Variants in DDHD1 observed in about 807,000 individuals in gnomAD.
The protein encoded by DDHD1 is phospholipase DDHD1.
A neutral mutation model predicts 96.4 loss-of-function variants in DDHD1; 49 were observed. The observed-to-expected ratio is 0.51, with a 90% CI of 0.40 to 0.64. The LOEUF (loss-of-function observed/expected upper bound fraction) is 0.64. DDHD1 is among the 30% of genes least tolerant of loss of function. DDHD1 has a pLI of 0.00. For missense variants in DDHD1, 1,106 were observed against 1,161.2 expected (o/e 0.95, Z 0.69); for synonymous variants, 442 against 446.5 (o/e 0.99, Z 0.13).
At chr14:53,152,117 CCT>C in intron 1 of DDHD1, 142 bp downstream of exon 1, 3 of 809,892 alleles carry the variant, frequency 3.7e-6, no homozygotes, top group Admixed American at 3.6e-5. Flanking sequence ...GCCGACGCTC[CCT>C]GCTCAATCTC....
At chr14:53,070,508 A>C (rs1884427004) in intron 6 of DDHD1, among the ~76,000 whole-genome samples, 2 of 152,074 alleles carry the variant, frequency 1.3e-5, no homozygotes, top group Non-Finnish European at 1.5e-5. Flanking sequence ...GTTATTGCTC[A>C]CTTGAATTTA....
In DDHD1 at chr14:53,055,751, A is replaced by C; in HGVS notation, c.2154T>G (p.Ile718Met). Residue 718 changes from isoleucine (I) to methionine (M), a missense_variant, in exon 10 of 13, where the codon ATT (isoleucine) becomes ATG (methionine). Coordinates refer to ENST00000673822, the MANE Select transcript of DDHD1 (RefSeq NM_001160148.2). ...AGGTCACAGGGCTTGGTATGGTTGAAATGCCTTCATTCTCTGAAACTGAGG... is the reference window on the plus strand; with the variant it reads ...AGGTCACAGGGCTTGGTATGGTTGACATGCCTTCATTCTCTGAAACTGAGG... ...EPTSVSENEG[I>M]STIPSPVTSP... is the part of the protein sequence containing the mutation. 3.7e-6 allele frequency: 6 copies of C among 1,614,126 alleles called. No individual in the cohort carries two copies. The highest frequency in any genetic ancestry group is 5.1e-6 in the Non-Finnish European group (6 of 1,180,012).
In DDHD1 at chr14:53,152,277, G is replaced by C. The variant is rs1408576916; in HGVS notation, c.822C>G (p.Tyr274Ter). 2 of 1,610,252 alleles carry C rather than the reference G, an allele frequency of 1.2e-6. No individual in the cohort carries two copies. Among genetic ancestry groups the C allele is most frequent in the Admixed American group, 1.7e-5 (1 of 59,776 alleles). Residue 274 changes from tyrosine to a stop codon, truncating the protein, a stop_gained, in exon 1 of 13, where the codon TAC (tyrosine) becomes TAG (stop). Coordinates refer to ENST00000673822, the MANE Select transcript of DDHD1 (RefSeq NM_001160148.2). LOFTEE classifies it high-confidence loss of function. Reference sequence around the variant, plus strand: ...GCTACTCACGGTTCCAGTACACCGGGTAGCACTCTCCTTGGGTCACATCCA... The same window carrying C: ...GCTACTCACGGTTCCAGTACACCGGCTAGCACTCTCCTTGGGTCACATCCA... The part of the protein sequence containing the change: ...YEVDVTQGEC[Y>*]PVYWNQADKI...
chr14:53,142,652 T>C (rs1301739613), intron 1 of DDHD1, among the ~76,000 whole-genome samples: 1 of 152,222 alleles, frequency 6.6e-6, no homozygotes, highest in Non-Finnish European at 1.5e-5. Context: ...CAAAAGCAGA[T>C]GCTCAAGAAT....
At chr14:53,119,598 A>G (rs932519610) in intron 1 of DDHD1, among the ~76,000 whole-genome samples, 5 of 152,238 alleles carry the variant, frequency 3.3e-5, no homozygotes, top group Admixed American at 3.3e-4. Flanking sequence ...CAAAAAGCTT[A>G]TCCACCACAT....
intron 1 of DDHD1, among the ~76,000 whole-genome samples, chr14:53,132,666 G>A (rs932731198): frequency 1.1e-4 from 16 of 152,150 alleles, no homozygotes; most frequent in African/African-American, 3.9e-4. Context: ...GGCAGAAAGA[G>A]GTTTCCTCAC....
Position 53,131,365 on chromosome 14 carries a change from C to T in DDHD1, c.838+20896G>A, listed in dbSNP as rs115284595. Among the ~76,000 whole-genome samples, 1,332 of 152,266 alleles carry T rather than the reference C, an allele frequency of 8.7e-3. 20 individuals carry two copies. Among genetic ancestry groups the T allele is most frequent in the African/African-American group, 0.031 (1,268 of 41,542 alleles). ...TCCCATTAAAATCTAATCAGCCTTA[C>T]CCGGCTCAACGCCAGTATGCCATCC... On this transcript the variant is annotated intron_variant, in intron 1 of 12. Coordinates refer to ENST00000673822, the MANE Select transcript of DDHD1 (RefSeq NM_001160148.2).
At chr14:53,094,489 C>T (rs1886706681) in intron 2 of DDHD1, among the ~76,000 whole-genome samples, 1 of 152,064 alleles carries the variant, frequency 6.6e-6, no homozygotes, top group South Asian at 2.1e-4. Context: ...TCACTGGAGC[C>T]CAGGAGTTTG....
Position 53,103,684 on chromosome 14 carries a change from A to G in DDHD1, c.1011T>C (p.Asp337=). The change falls in exon 2 of 13, where the codon GAT becomes GAC. Residue 337 remains aspartate, a splice_region_variant and synonymous_variant. Coordinates refer to ENST00000673822, the MANE Select transcript of DDHD1 (RefSeq NM_001160148.2). Reference sequence around the variant, plus strand: ...ATTAAATGTATCAATTGATCTTACCATCTTTTCCATCTATGGATTTTGACA... The same window carrying G: ...ATTAAATGTATCAATTGATCTTACCGTCTTTTCCATCTATGGATTTTGACA... ...IEVSKSIDGK[D]AVHSFKLSRN... 6.2e-7 allele frequency: 1 copy of G among 1,607,428 alleles called. No individual in the cohort carries two copies.
At chr14:53,091,293 A>C (rs1451903850) in intron 4 of DDHD1, among the ~76,000 whole-genome samples, 1 of 152,208 alleles carries the variant, frequency 6.6e-6, no homozygotes, top group East Asian at 1.9e-4. Context: ...CTAATGAGGT[A>C]AATAACCTGT....
rs1467297648 is a variant in DDHD1, at chr14:53,152,829, G to C, written c.270C>G (p.Asp90Glu). ...AGGAGCCCGACTCGGCGGAGCTGAA[G>C]TCATAGTTCTCGTCACTGAGGCAGG... is the stretch of plus-strand genomic sequence containing the variant. Reference protein sequence around the residue: ...LDPCLSDENYDFSSAESGSSL... With the variant: ...LDPCLSDENYEFSSAESGSSL... The change falls in exon 1 of 13, where the codon GAC (aspartate) becomes GAG (glutamate). Residue 90 changes from aspartate to glutamate, a missense_variant. Asp to Glu is a conservative substitution (Grantham distance 45). Transcript: ENST00000673822. 3.1e-6 allele frequency: 5 copies of C among 1,612,380 alleles called. No individual in the cohort carries two copies. In the Admixed American group the frequency reaches 5.0e-5, roughly 16 times the overall value.
chr14:53,112,183 G>A (rs539677460), intron 1 of DDHD1, among the ~76,000 whole-genome samples: 39 of 152,242 alleles, frequency 2.6e-4, no homozygotes, highest in African/African-American at 7.5e-4. Context: ...CTGAGAGGCC[G>A]AAGTGGGCGG....
intron 1 of DDHD1, among the ~76,000 whole-genome samples, chr14:53,123,876 A>G (rs1889211037): frequency 6.6e-6 from 1 of 152,166 alleles, no homozygotes; most frequent in African/African-American, 2.4e-5. Context: ...TGTTTGAAAT[A>G]TTTCATAATA....
intron 1 of DDHD1, among the ~76,000 whole-genome samples, chr14:53,132,248 T>C (rs11157950): frequency 0.87 from 133,015 of 152,156 alleles, 58,218 homozygotes; most frequent in East Asian, 0.98. Flanking sequence ...GCTGGGACCG[T>C]ACCTTGTGGC....
intron 12 of DDHD1, among the ~76,000 whole-genome samples, chr14:53,048,389 G>A (rs1332039937): frequency 6.7e-5 from 10 of 149,696 alleles, no homozygotes; most frequent in Non-Finnish European, 1.2e-4. Context: ...CCAGGCTGGA[G>A]TGCAGTGGCA....
rs147234555 is a variant in DDHD1 at position 53,148,231 on chromosome 14, A to G, written c.838+4030T>C. 3.3e-3 allele frequency among the ~76,000 whole-genome samples: 499 copies of G among 152,324 alleles called. 4 individuals carry two copies. Among genetic ancestry groups the G allele is most frequent in the Non-Finnish European group, 4.4e-3 (300 of 68,032 alleles). On this transcript the variant is annotated intron_variant, in intron 1 of 12. Coordinates refer to ENST00000673822, the MANE Select transcript of DDHD1 (RefSeq NM_001160148.2). ...ATATAAAAATTTGGTCAATTAAATAACTTTATTAGTTTAGTCAATGAATAG... is the reference window on the plus strand; with the variant it reads ...ATATAAAAATTTGGTCAATTAAATAGCTTTATTAGTTTAGTCAATGAATAG...
rs140592900 is a variant in DDHD1, at chr14:53,053,034, G to A, written c.2438-1107C>T. 146 of 150,988 alleles carry A rather than the reference G, an allele frequency of 9.7e-4. 3 individuals are homozygous for A. The highest frequency in any genetic ancestry group is 3.3e-3 in the African/African-American group (138 of 41,266). 9.4% of individuals were successfully genotyped at this position (150,988 alleles called of 1,614,324 possible). On this transcript the variant is annotated intron_variant, in intron 11 of 12. Coordinates refer to ENST00000673822, the MANE Select transcript of DDHD1 (RefSeq NM_001160148.2). The stretch of plus-strand genomic sequence containing the variant: ...CAGAGCCTGTAGATTCTATACATAC[G>A]TTTTCATTACCCTTTTTCTAGGGGG...
chr14:53,146,927 GACA>G (rs1891028346), intron 1 of DDHD1, among the ~76,000 whole-genome samples: 2 of 150,458 alleles, frequency 1.3e-5, no homozygotes, highest in African/African-American at 4.9e-5. Flanking sequence ...CATCAATGCT[GACA>G]GTTTTTTTTT....
chr14:53,084,603 C>G lies in DDHD1; in HGVS notation c.1289+7182G>C, dbSNP rs1023832128. On this transcript the variant is annotated intron_variant, in intron 4 of 12. Coordinates refer to ENST00000673822, the MANE Select transcript of DDHD1 (RefSeq NM_001160148.2). ...GGACATTGAAAAGGATCAAGGTTGG[C>G]CTGGCACTATGTGACAAGGTTTTTT... 2.6e-5 allele frequency among the ~76,000 whole-genome samples: 4 copies of G among 152,302 alleles called. No individual in the cohort carries two copies. The East Asian group carries it at 7.7e-4, about 29-fold the overall frequency.
Sources: allele counts gnomAD v4.1 joint callset (sites outside exome capture counted in the v4.1 genomes callset), GRCh38; gene constraint gnomAD v4.1.1; transcripts MANE v1.5; gene names NCBI Gene and HGNC (gene_info 2026-07-23, HGNC 2026-07-21).